Variants in CTBP1 observed in about 807,000 individuals in gnomAD.
The protein encoded by CTBP1 is C-terminal-binding protein 1.
A neutral mutation model predicts 42.1 loss-of-function variants in CTBP1; 11 were observed. The ratio of observed to expected loss-of-function variants is 0.26; its 90% CI spans 0.16 to 0.43. CTBP1 has a LOEUF of 0.43. CTBP1 is among the 20% of genes least tolerant of loss of function. The probability of loss-of-function intolerance (pLI) is 1.00; values close to 1 mark genes in which losing one functional copy is unlikely to be tolerated. For missense variants in CTBP1, 399 were observed against 624.3 expected, an observed-to-expected ratio of 0.64 and a Z score of 3.85; for synonymous variants, 324 against 277.1, an observed-to-expected ratio of 1.17 and a Z score of -1.68.
In CTBP1 at chr4:1,248,977, G is replaced by A. The variant is rs1733077324; in HGVS notation, c.-250C>T. On this transcript the variant is annotated 5_prime_UTR_variant, in exon 1 of 10. Coordinates refer to ENST00000382952, the MANE Select transcript of CTBP1 (RefSeq NM_001012614.2). ...CCATCGAGAGGCGCGAGCGGCCGCGGGCCCCGACCACTCCGGCGCGCTGCG... is the reference window on the plus strand; with the variant it reads ...CCATCGAGAGGCGCGAGCGGCCGCGAGCCCCGACCACTCCGGCGCGCTGCG... 1.0e-6 allele frequency: 1 copy of A among 987,314 alleles called. No individual in the cohort carries two copies. The highest frequency in any genetic ancestry group is 4.0e-5 in the South Asian group (1 of 25,102). 61.2% of individuals were successfully genotyped at this position (987,314 alleles called of 1,614,324 possible).
At chr4:1,215,918 G>C (rs1165838519) in intron 6 of CTBP1, 73 bp downstream of exon 6, 2 of 1,483,618 alleles carry the variant, frequency 1.3e-6, no homozygotes, top group Non-Finnish European at 9.1e-7. Context: ...TGGCTGCTGG[G>C]AGGGACCTGC....
At chr4:1,225,919 C>T (rs946794557) in intron 4 of CTBP1, among the ~76,000 whole-genome samples, 2 of 152,088 alleles carry the variant, frequency 1.3e-5, no homozygotes, top group African/African-American at 4.8e-5. Context: ...CTCGCCACCC[C>T]GATTCCTCTC....
chr4:1,212,318 G>A lies in CTBP1; in HGVS notation c.1212C>T (p.Ala404=). The A allele has an allele frequency of 1.3e-6, 2 of 1,515,192 alleles. No individual in the cohort carries two copies. Among genetic ancestry groups the A allele is most frequent in the Non-Finnish European group, 8.8e-7 (1 of 1,135,240 alleles). 93.9% of individuals were successfully genotyped at this position (1,515,192 alleles called of 1,614,324 possible). Residue 404 remains alanine, a synonymous_variant, in exon 10 of 10, where the codon GCC becomes GCT. Transcript: ENST00000382952. ...CAGGAGAAGGGGCGTGGGGCGGGTG[G>A]GCCACAGGGGGCAGGCCGTGGGACA... is the stretch of plus-strand genomic sequence containing the variant. The part of the protein sequence containing the change: ...MSLSHGLPPV[A]HPPHAPSPGQ...
Position 1,244,611 on chromosome 4 carries a change from C to T in CTBP1, c.-188-3092G>A, listed in dbSNP as rs567726440. The T allele has an allele frequency of 1.8e-5, 18 of 985,304 alleles. No individual in the cohort carries two copies. The South Asian group carries it at 7.5e-4, about 41-fold the overall frequency. 61.0% of individuals were successfully genotyped at this position (985,304 alleles called of 1,614,324 possible). A position where few individuals can be genotyped will look rare whatever the true frequency, so the allele number is the denominator to read the frequency against. On this transcript the variant is annotated intron_variant, in intron 1 of 9. Coordinates refer to ENST00000382952, the MANE Select transcript of CTBP1 (RefSeq NM_001012614.2). ...TCACCAACCCCATCTTCTTCCCCCTCCCCACAGCAGCCCCTAAAGCCGCTG... is the reference window on the plus strand; with the variant it reads ...TCACCAACCCCATCTTCTTCCCCCTTCCCACAGCAGCCCCTAAAGCCGCTG...
At chr4:1,223,581 C>T (rs1729986341) in intron 5 of CTBP1, 1 of 438,332 alleles carries the variant, frequency 2.3e-6, no homozygotes, top group Non-Finnish European at 4.6e-6. Context: ...CCCTTGCATC[C>T]CCATGGGGCC....
chr4:1,248,882 C>A (rs758693334), intron 1 of CTBP1, 34 bp downstream of exon 1: 1 of 969,130 alleles, frequency 1.0e-6, no homozygotes, highest in Non-Finnish European at 1.2e-6. Flanking sequence ...CCGCCCCCGC[C>A]CGCGGCCGGA....
rs900655639 is a variant in CTBP1 at position 1,238,805 on chromosome 4, A to AC, written c.8-469dup. Among the ~76,000 whole-genome samples the AC allele has an allele frequency of 1.3e-5, 2 of 149,396 alleles. No individual in the cohort carries two copies. The highest frequency in any genetic ancestry group is 3.0e-5 in the Non-Finnish European group (2 of 67,262). On this transcript the variant is annotated intron_variant, in intron 2 of 9. Coordinates refer to ENST00000382952, the MANE Select transcript of CTBP1 (RefSeq NM_001012614.2). This position sits in a 1 kb window ranked among gnomAD's most constrained non-coding sequence, Gnocchi z 5.9. ...CCTAGGCCCTCCAAGACCCTCTGAG[A>AC]CCCCCCGAGACCCTCCCAGACCGTC...
chr4:1,227,219 G>C (rs1730447856), intron 4 of CTBP1, among the ~76,000 whole-genome samples: 1 of 151,646 alleles, frequency 6.6e-6, no homozygotes, highest in South Asian at 2.1e-4. Flanking sequence ...TATGCTGAGT[G>C]CACAAGCAGA....
At chr4:1,212,802 C>T in intron 9 of CTBP1, 111 bp downstream of exon 9, 2 of 906,980 alleles carry the variant, frequency 2.2e-6, no homozygotes, top group Non-Finnish European at 3.5e-6. Flanking sequence ...CTACCCAGAT[C>T]CTCCAGGTCA....
chr4:1,241,582 C>A, intron 1 of CTBP1, 63 bp from the exon 2 acceptor site: 1 of 1,495,462 alleles, frequency 6.7e-7, no homozygotes, highest in South Asian at 1.2e-5. Context: ...AACTCACAGA[C>A]TCCAGGGAAC....
chr4:1,212,799 G>T (rs1728684030), intron 9 of CTBP1, 114 bp downstream of exon 9: 3 of 896,056 alleles, frequency 3.3e-6, no homozygotes, highest in Non-Finnish European at 5.3e-6. Context: ...ATTCTACCCA[G>T]ATCCTCCAGG....
chr4:1,231,758 T>C (rs1343181295), intron 3 of CTBP1, among the ~76,000 whole-genome samples: 1 of 152,252 alleles, frequency 6.6e-6, no homozygotes, highest in Admixed American at 6.5e-5. Context: ...GGGGCTGGGC[T>C]GAAGACCGCA....
intron 6 of CTBP1, 116 bp downstream of exon 6, chr4:1,215,875 C>A: frequency 8.6e-7 from 1 of 1,157,366 alleles, no homozygotes; most frequent in African/African-American, 1.5e-5. Context: ...CGCCATGTGG[C>A]TCGCTGAAGG....
At chr4:1,237,363 T>G in intron 3 of CTBP1, 1 of 671,692 alleles carries the variant, frequency 1.5e-6, no homozygotes, top group South Asian at 1.5e-5. Flanking sequence ...GAAAACCCCA[T>G]GTCCACCTCC....
In CTBP1 at chr4:1,238,832, G is replaced by A. The variant is rs1000684771; in HGVS notation, c.8-495C>T. On this transcript the variant is annotated intron_variant, in intron 2 of 9. Coordinates refer to ENST00000382952, the MANE Select transcript of CTBP1 (RefSeq NM_001012614.2). This position sits in a 1 kb window ranked among gnomAD's most constrained non-coding sequence, Gnocchi z 5.9. ...CCCCCGAGACCCTCCCAGACCGTCC[G>A]AGACCCCAGGGCAGCTCCATGAGGC... 5.3e-5 allele frequency among the ~76,000 whole-genome samples: 8 copies of A among 151,504 alleles called. No individual in the cohort carries two copies. Among genetic ancestry groups the A allele is most frequent in the Admixed American group, 6.6e-5 (1 of 15,208 alleles).
At position 1,241,686 on chromosome 4, in the gene CTBP1, G is replaced by C. The variant is rs566963127; in HGVS notation, c.-188-167C>G. On this transcript the variant is annotated intron_variant, in intron 1 of 9. Coordinates refer to ENST00000382952, the MANE Select transcript of CTBP1 (RefSeq NM_001012614.2). The stretch of plus-strand genomic sequence containing the variant: ...GGGCCTGCTGACAGCCAGGGGCCCC[G>C]GCTCCTGCCGCACACACGAAGGGCG... 5 of 1,263,408 alleles carry C rather than the reference G, an allele frequency of 4.0e-6. No individual in the cohort carries two copies. In the African/African-American group the frequency reaches 6.1e-5, roughly 15 times the overall value. The allele number at this position is 1,263,408 out of a possible 1,614,324, so 78.3% of individuals were successfully genotyped here.
At chr4:1,241,636 C>T in intron 1 of CTBP1, 117 bp from the exon 2 acceptor site, 2 of 1,383,486 alleles carry the variant, frequency 1.4e-6, no homozygotes, top group East Asian at 3.4e-5. Context: ...CCCGGGACTG[C>T]TGTCTGGGAC....
At chr4:1,242,935 G>A (rs1413663962) in intron 1 of CTBP1, 4 of 984,562 alleles carry the variant, frequency 4.1e-6, no homozygotes, top group Non-Finnish European at 4.8e-6. Context: ...ATCAACGCCA[G>A]CCGATACTCA....
intron 1 of CTBP1, chr4:1,245,262 G>C: frequency 1.0e-6 from 1 of 985,458 alleles, no homozygotes; most frequent in Admixed American, 6.1e-5. Flanking sequence ...TGTGATCAAA[G>C]GCATGGATTT....
Sources: gnomAD v4.1 joint callset for allele counts (sites outside exome capture counted in the v4.1 genomes callset) on GRCh38, gnomAD v4.1.1 for gene constraint, Gnocchi (gnomAD v3.1) non-coding constraint, MANE v1.5 for transcripts, NCBI Gene and HGNC (gene_info 2026-07-23, HGNC 2026-07-21) for gene names.